Variants in ARF3 observed in about 807,000 individuals in gnomAD.
ARF3 encodes the protein ARF GTPase 3.
In ARF3, 5 loss-of-function variants were observed where a neutral mutation model predicts 19.3. The observed-to-expected ratio is 0.26, with a 90% CI of 0.14 to 0.54. ARF3 has a LOEUF of 0.54. Among genes scored for constraint, ARF3 ranks in the 20% least tolerant of loss-of-function variants. ARF3 has a pLI of 0.95. For synonymous variants in ARF3, 71 were observed against 89.2 expected, an observed-to-expected ratio of 0.80 and a Z score of 1.15; for missense variants, 77 against 234.2, an observed-to-expected ratio of 0.33 and a Z score of 4.38.
chr12:48,943,454 A>T (rs1940301258), intron 1 of ARF3, among the ~76,000 whole-genome samples: 1 of 152,202 alleles, frequency 6.6e-6, no homozygotes, highest in Non-Finnish European at 1.5e-5. Flanking sequence ...AACCAGAGAC[A>T]CACACACACC....
intron 1 of ARF3, among the ~76,000 whole-genome samples, chr12:48,949,214 A>ATGTT (rs1360881797): frequency 6.6e-6 from 1 of 152,086 alleles, no homozygotes; most frequent in East Asian, 1.9e-4. Context: ...GTGAATATGT[A>ATGTT]TGTTTGTTTG....
Position 48,938,422 on chromosome 12 carries a change from C to G in ARF3, c.*525G>C. 1 of 454,222 alleles carries G rather than the reference C, an allele frequency of 2.2e-6. No individual in the cohort carries two copies. The highest frequency in any genetic ancestry group is 4.4e-6 in the Non-Finnish European group (1 of 226,950). 28.1% of individuals were successfully genotyped at this position (454,222 alleles called of 1,614,324 possible). A position where few individuals can be genotyped will look rare whatever the true frequency, so the allele number is the denominator to read the frequency against. ...TGCAAGCCCTGAGCTTCACTCCACC[C>G]CCTCCCCGCTCCCCCCGGCCCCCAC... On this transcript the variant is annotated 3_prime_UTR_variant, in exon 5 of 5. Coordinates refer to ENST00000256682, the MANE Select transcript of ARF3 (RefSeq NM_001659.3).
intron 1 of ARF3, among the ~76,000 whole-genome samples, chr12:48,943,157 T>C (rs1468019091): frequency 6.6e-6 from 1 of 152,128 alleles, no homozygotes; most frequent in Non-Finnish European, 1.5e-5. Flanking sequence ...GCTGAAAGGA[T>C]GAACAGGACC....
chr12:48,940,796 G>GT (rs1484505403), intron 2 of ARF3, 152 bp downstream of exon 2: 170 of 1,014,222 alleles, frequency 1.7e-4, no homozygotes, highest in Non-Finnish European at 4.1e-6. Context: ...TCAGCACCTG[G>GT]TAGTAAGCTA....
intron 1 of ARF3, among the ~76,000 whole-genome samples, chr12:48,948,389 C>A (rs552846270): frequency 6.6e-6 from 1 of 151,802 alleles, no homozygotes; most frequent in Non-Finnish European, 1.5e-5. Context: ...AAAAGACCTA[C>A]GGGCCCAAAT....
chr12:48,936,020 A>T lies in ARF3; in HGVS notation c.*2927T>A, dbSNP rs1379509028. The T allele has an allele frequency of 6.6e-6, 1 of 152,258 alleles. No homozygotes were observed. The highest frequency in any genetic ancestry group is 1.5e-5 in the Non-Finnish European group (1 of 68,060). The allele number at this position is 152,258 out of a possible 1,614,324, so 9.4% of individuals were successfully genotyped here. ...TCCCCCGCCGCGGGGTATGATGGGA[A>T]GAAATAACCAGTGTGGAGTGGCACT... On this transcript the variant is annotated 3_prime_UTR_variant, in exon 5 of 5. Coordinates refer to ENST00000256682, the MANE Select transcript of ARF3 (RefSeq NM_001659.3).
At chr12:48,945,697 T>A (rs2137585066) in intron 1 of ARF3, among the ~76,000 whole-genome samples, 1 of 152,310 alleles carries the variant, frequency 6.6e-6, no homozygotes. Flanking sequence ...CACTCCAGCC[T>A]GTGTAACACT....
intron 1 of ARF3, among the ~76,000 whole-genome samples, chr12:48,951,164 A>G (rs1413175288): frequency 2.0e-5 from 3 of 152,152 alleles, no homozygotes; most frequent in Non-Finnish European, 4.4e-5. Flanking sequence ...TGTGTTTTCT[A>G]TTTTTGCAAC....
chr12:48,947,908 A>G (rs958903113), intron 1 of ARF3, among the ~76,000 whole-genome samples: 2 of 152,072 alleles, frequency 1.3e-5, no homozygotes, highest in African/African-American at 2.4e-5. Context: ...AAGTGTGTGC[A>G]AAGGCATAAA....
chr12:48,956,347 T>C (rs1864620329), intron 1 of ARF3: 1 of 152,300 alleles, frequency 6.6e-6, no homozygotes, highest in Non-Finnish European at 1.5e-5. Context: ...ACATTCCTCC[T>C]GGCCTGGAAA....
chr12:48,939,224 A>T lies in ARF3; in HGVS notation c.385-116T>A. ...CCTTCCCCTCCTCCTTTATTTTAGGAAACCCAGAACAAGATCCTAAGGAGC... is the reference window on the plus strand; with the variant it reads ...CCTTCCCCTCCTCCTTTATTTTAGGTAACCCAGAACAAGATCCTAAGGAGC... On this transcript the variant is annotated intron_variant, in intron 4 of 4. Coordinates refer to ENST00000256682, the MANE Select transcript of ARF3 (RefSeq NM_001659.3). The surrounding 1 kb of genome is among the most constrained non-coding windows in gnomAD (Gnocchi z 4.8). The T allele has an allele frequency of 8.2e-7, 1 of 1,220,520 alleles. No homozygotes were observed. The highest frequency in any genetic ancestry group is 1.1e-6 in the Non-Finnish European group (1 of 889,780). The allele number at this position is 1,220,520 out of a possible 1,614,324, so 75.6% of individuals were successfully genotyped here.
chr12:48,951,292 GGCTCATA>G (rs1414400813), intron 1 of ARF3, among the ~76,000 whole-genome samples: 2 of 152,218 alleles, frequency 1.3e-5, no homozygotes, highest in African/African-American at 2.4e-5. Flanking sequence ...CAGGCGCGGT[GGCTCATA>G]GCTATAATCC....
intron 1 of ARF3, among the ~76,000 whole-genome samples, chr12:48,942,252 T>C (rs1940272203): frequency 6.6e-6 from 1 of 151,836 alleles, no homozygotes; most frequent in Non-Finnish European, 1.5e-5. Flanking sequence ...AGCTTTTTTT[T>C]TTTTTTTTTA....
intron 1 of ARF3, among the ~76,000 whole-genome samples, chr12:48,948,862 C>T (rs1345065710): frequency 6.6e-6 from 1 of 151,838 alleles, no homozygotes; most frequent in African/African-American, 2.4e-5. Context: ...GAGAGATAAG[C>T]AGGGACTGGA....
At chr12:48,943,108 A>AAATAAT (rs1453161621) in intron 1 of ARF3, among the ~76,000 whole-genome samples, 1 of 152,086 alleles carries the variant, frequency 6.6e-6, no homozygotes, top group Admixed American at 6.5e-5. Context: ...ATCCATCTCA[A>AAATAAT]AATAATAATA....
At chr12:48,948,486 C>G (rs7972713) in intron 1 of ARF3, among the ~76,000 whole-genome samples, 13 of 152,026 alleles carry the variant, frequency 8.6e-5, no homozygotes, top group African/African-American at 3.1e-4. Context: ...GAACTTCTGA[C>G]TTCAAACGAT....
At chr12:48,946,521 ATC>A (rs1486704013) in intron 1 of ARF3, among the ~76,000 whole-genome samples, 3 of 152,248 alleles carry the variant, frequency 2.0e-5, no homozygotes, top group African/African-American at 7.2e-5. Context: ...ATATACTAAC[ATC>A]TCTGTTAAAA....
rs2137571628 is a variant in ARF3, at chr12:48,937,097, T to C, written c.*1850A>G. 6.6e-6 allele frequency: 1 copy of C among 152,540 alleles called. No homozygotes were observed. Among genetic ancestry groups the C allele is most frequent in the South Asian group, 2.1e-4 (1 of 4,818 alleles). The allele number at this position is 152,540 out of a possible 1,614,324, so 9.4% of individuals were successfully genotyped here. ...AAGATACCTGCACACACCTGCTGCATCCTGGGTAACACATCACTAAGTAAC... is the reference window on the plus strand; with the variant it reads ...AAGATACCTGCACACACCTGCTGCACCCTGGGTAACACATCACTAAGTAAC... On this transcript the variant is annotated 3_prime_UTR_variant, in exon 5 of 5. Transcript: ENST00000256682.
chr12:48,956,819 C>T (rs1940577897), intron 1 of ARF3, among the ~76,000 whole-genome samples: 2 of 152,178 alleles, frequency 1.3e-5, no homozygotes, highest in Non-Finnish European at 2.9e-5. Context: ...CCCCCAACCC[C>T]CCTACGCACC....
Sources: gnomAD v4.1 joint callset for allele counts (sites outside exome capture counted in the v4.1 genomes callset) on GRCh38, gnomAD v4.1.1 for gene constraint, Gnocchi (gnomAD v3.1) non-coding constraint, MANE v1.5 for transcripts, NCBI Gene and HGNC (gene_info 2026-07-23, HGNC 2026-07-21) for gene names.